Variants in CADPS2 observed in about 807,000 individuals in gnomAD.
CADPS2 encodes calcium-dependent secretion activator 2.
Under a neutral mutation model 172.5 loss-of-function variants are expected in CADPS2, and 93 were observed. The observed-to-expected ratio is 0.54, with a 90% CI of 0.46 to 0.64. The LOEUF (loss-of-function observed/expected upper bound fraction) is 0.64, where lower values mean the gene tolerates loss of function less well. Ranked by LOEUF, CADPS2 falls within the 30% of genes least tolerant of loss-of-function variation. The pLI, the probability that CADPS2 is intolerant of heterozygous loss-of-function variation, is 0.00. For missense variants in CADPS2, 1,420 were observed against 1,565.9 expected (o/e 0.91, Z 1.57); for synonymous variants, 546 against 555.2 (o/e 0.98, Z 0.23).
At chr7:122,523,528 A>G (rs1013755103) in intron 8 of CADPS2, among the ~76,000 whole-genome samples, 1 of 152,108 alleles carries the variant, frequency 6.6e-6, no homozygotes, top group Non-Finnish European at 1.5e-5. Context: ...TATTTATACG[A>G]CTGTATAAAT....
Position 122,649,898 on chromosome 7 carries a change from A to ATTTTTTTTTTTTTTTTT in CADPS2, c.786+13322_786+13338dup, listed in dbSNP as rs71531909. On this transcript the variant is annotated intron_variant, in intron 3 of 29. Transcript: ENST00000449022. ...TGACATTTTTCTTAAGTATTCAATG[A>ATTTTTTTTTTTTTTTTT]TTTTTTTTTTTTTTTTTTTTTTTTT... Among the ~76,000 whole-genome samples, 285 of 52,018 alleles carry ATTTTTTTTTTTTTTTTT rather than the reference A, an allele frequency of 5.5e-3. 68 individuals carry two copies. The highest frequency in any genetic ancestry group is 6.5e-3 in the South Asian group (5 of 772). 34.1% of individuals were successfully genotyped at this position (52,018 alleles called of 152,430 possible). A position where few individuals can be genotyped will look rare whatever the true frequency, so the allele number is the denominator to read the frequency against.
intron 2 of CADPS2, among the ~76,000 whole-genome samples, chr7:122,712,131 T>G (rs2136742088): frequency 6.6e-6 from 1 of 152,282 alleles, no homozygotes; most frequent in East Asian, 1.9e-4. Flanking sequence ...GATATTTTTC[T>G]TCTAGTGTTG....
intron 28 of CADPS2, among the ~76,000 whole-genome samples, chr7:122,327,507 G>A (rs2034110019): frequency 6.6e-6 from 1 of 152,088 alleles, no homozygotes; most frequent in South Asian, 2.1e-4. Context: ...TGGTTACTCT[G>A]TTAGACTGCA....
intron 14 of CADPS2, among the ~76,000 whole-genome samples, chr7:122,466,626 G>A (rs1271213377): frequency 6.6e-6 from 1 of 152,082 alleles, no homozygotes; most frequent in African/African-American, 2.4e-5. Context: ...ATCCCCAAAA[G>A]CTCATTTAAC....
intron 2 of CADPS2, chr7:122,698,751 C>T (rs750476006): frequency 6.2e-7 from 1 of 1,613,854 alleles, no homozygotes; most frequent in Admixed American, 1.7e-5. Flanking sequence ...CAGTCTCTCC[C>T]AACTCTGACA....
chr7:122,611,279 A>G (rs2074258821), intron 6 of CADPS2, among the ~76,000 whole-genome samples: 1 of 152,066 alleles, frequency 6.6e-6, no homozygotes, highest in Non-Finnish European at 1.5e-5. Flanking sequence ...GTTATTTAAA[A>G]TAGTCTTTTA....
intron 2 of CADPS2, among the ~76,000 whole-genome samples, chr7:122,686,314 A>G (rs2083614439): frequency 6.6e-6 from 1 of 152,186 alleles, no homozygotes; most frequent in Non-Finnish European, 1.5e-5. Flanking sequence ...GAAGTCAGAA[A>G]CCTATTGTAC....
At chr7:122,742,128 T>G (rs2092511064) in intron 1 of CADPS2, among the ~76,000 whole-genome samples, 2 of 151,996 alleles carry the variant, frequency 1.3e-5, no homozygotes. Context: ...CAGCGGCTCA[T>G]GCCTGTAATC....
chr7:122,647,187 C>T (rs1012753430), intron 3 of CADPS2, among the ~76,000 whole-genome samples: 6 of 151,654 alleles, frequency 4.0e-5, no homozygotes, highest in African/African-American at 1.5e-4. Flanking sequence ...TCACAGTAAG[C>T]GCAGTGAACT....
At chr7:122,666,072 T>C (rs926530713) in intron 2 of CADPS2, among the ~76,000 whole-genome samples, 2 of 152,152 alleles carry the variant, frequency 1.3e-5, no homozygotes, top group Non-Finnish European at 2.9e-5. Flanking sequence ...ACATTTAACA[T>C]ACATAAATTG....
intron 2 of CADPS2, among the ~76,000 whole-genome samples, chr7:122,718,876 T>C (rs2090017804): frequency 1.3e-5 from 2 of 152,148 alleles, no homozygotes; most frequent in Non-Finnish European, 2.9e-5. Flanking sequence ...CAACAATCAA[T>C]GGTCATGGTG....
At chr7:122,392,237 T>C (rs925131069) in intron 22 of CADPS2, among the ~76,000 whole-genome samples, 5 of 152,148 alleles carry the variant, frequency 3.3e-5, no homozygotes, top group African/African-American at 1.2e-4. Flanking sequence ...TTTTAAAAAC[T>C]ATACCATTAT....
chr7:122,670,292 AAG>A (rs2081668077), intron 2 of CADPS2, among the ~76,000 whole-genome samples: 1 of 152,040 alleles, frequency 6.6e-6, no homozygotes. Flanking sequence ...AAATGTCTCA[AAG>A]AAGACTGGGC....
At chr7:122,617,760 TA>T in intron 5 of CADPS2, among the ~76,000 whole-genome samples, 1 of 152,242 alleles carries the variant, frequency 6.6e-6, no homozygotes, top group African/African-American at 2.4e-5. Context: ...AAATCAACTA[TA>T]AGCCGGGCAC....
intron 18 of CADPS2, among the ~76,000 whole-genome samples, chr7:122,415,601 C>CAAAAAAA (rs549530021): frequency 1.5e-5 from 1 of 64,956 alleles, no homozygotes; most frequent in Non-Finnish European, 3.5e-5. Flanking sequence ...AATACAGAAC[C>CAAAAAAA]AAAAAAAAAA....
intron 20 of CADPS2, among the ~76,000 whole-genome samples, chr7:122,406,476 GGAA>G (rs1221229212): frequency 6.6e-6 from 1 of 152,158 alleles, no homozygotes; most frequent in Non-Finnish European, 1.5e-5. Context: ...AGGAAGACAG[GGAA>G]GAAGGAAGGA....
intron 2 of CADPS2, among the ~76,000 whole-genome samples, chr7:122,699,934 T>C (rs952676191): frequency 6.6e-6 from 1 of 152,166 alleles, no homozygotes; most frequent in East Asian, 1.9e-4. Flanking sequence ...TTAGCAGCAA[T>C]AAGTAGATGC....
intron 8 of CADPS2, among the ~76,000 whole-genome samples, chr7:122,521,668 A>G (rs10229609): frequency 0.011 from 1,739 of 152,248 alleles, 32 homozygotes; most frequent in African/African-American, 0.04. Context: ...ACAAAATTAC[A>G]TAACATTTGT....
At chr7:122,704,844 C>T (rs2086730796) in intron 2 of CADPS2, among the ~76,000 whole-genome samples, 1 of 151,984 alleles carries the variant, frequency 6.6e-6, no homozygotes, top group Non-Finnish European at 1.5e-5. Flanking sequence ...TTGATTGTCA[C>T]AATTAGAGAG....
Sources: gnomAD v4.1 joint callset for allele counts (sites outside exome capture counted in the v4.1 genomes callset) on GRCh38, gnomAD v4.1.1 for gene constraint, MANE v1.5 for transcripts, NCBI Gene and HGNC (gene_info 2026-07-23, HGNC 2026-07-21) for gene names.